ADAMTS7: variants seen among roughly 807,000 people sequenced by gnomAD.
ADAMTS7 encodes the protein ADAM metallopeptidase with thrombospondin type 1 motif 7, also known as A disintegrin and metalloproteinase with thrombospondin motifs 7.
A neutral mutation model predicts 172.6 loss-of-function variants in ADAMTS7; 89 were observed. The ratio of observed to expected loss-of-function variants is 0.52; its 90% CI spans 0.43 to 0.61. The LOEUF (loss-of-function observed/expected upper bound fraction) is 0.61, where lower values mean the gene tolerates loss of function less well. Ranked by LOEUF, ADAMTS7 falls within the 20% of genes least tolerant of loss-of-function variation. The pLI is 0.00. For synonymous variants in ADAMTS7, 885 were observed against 978.4 expected (o/e 0.90, Z 1.78); for missense variants, 1,973 against 2,355.6 (o/e 0.84, Z 3.36).
intron 11 of ADAMTS7, among the ~76,000 whole-genome samples, chr15:78,775,275 T>G (rs369464604): frequency 1.3e-5 from 2 of 151,858 alleles, no homozygotes; most frequent in Non-Finnish European, 2.9e-5. Flanking sequence ...AGGAAGTGCC[T>G]AGGGCCCCAG....
intron 1 of ADAMTS7, among the ~76,000 whole-genome samples, chr15:78,801,659 G>A (rs2055726625): frequency 6.6e-6 from 1 of 151,568 alleles, no homozygotes; most frequent in South Asian, 2.1e-4. Context: ...GTCTAGGAAG[G>A]CAAGAATCTA....
intron 13 of ADAMTS7, among the ~76,000 whole-genome samples, chr15:78,773,407 G>A (rs8040936): frequency 0.26 from 38,457 of 148,130 alleles, 4,493 homozygotes; most frequent in Middle Eastern, 0.39. Flanking sequence ...GATGTGAGAC[G>A]GGGAGACCCA....
chr15:78,806,109 CACACACACACACACACACAAAAA>C (rs1195010891), intron 1 of ADAMTS7, among the ~76,000 whole-genome samples: 1 of 14,280 alleles, frequency 7.0e-5, no homozygotes, highest in Non-Finnish European at 2.2e-4. Flanking sequence ...CACACACACA[CACACACACACACACACACAAAAA>C]AAAAAAAAAA....
chr15:78,805,017 A>G (rs988279293), intron 1 of ADAMTS7, among the ~76,000 whole-genome samples: 1 of 152,234 alleles, frequency 6.6e-6, no homozygotes, highest in Non-Finnish European at 1.5e-5. Context: ...AGAGCTCTGA[A>G]AAACTGCAGA....
intron 1 of ADAMTS7, among the ~76,000 whole-genome samples, chr15:78,802,791 G>A (rs1433496476): frequency 6.6e-6 from 1 of 152,162 alleles, no homozygotes; most frequent in Non-Finnish European, 1.5e-5. Flanking sequence ...GAGCTCAGGA[G>A]TTTGATACCA....
rs1227522980 is a variant in ADAMTS7 at position 78,768,118 on chromosome 15, TG to T, written c.2645+14del. 1.1e-5 allele frequency: 8 copies of T among 712,758 alleles called. No individual in the cohort carries two copies. In the African/African-American group the frequency reaches 3.2e-4, roughly 28 times the overall value. 44.2% of individuals were successfully genotyped at this position (712,758 alleles called of 1,614,324 possible). A position where few individuals can be genotyped will look rare whatever the true frequency, so the allele number is the denominator to read the frequency against. On this transcript the variant is annotated intron_variant, in intron 17 of 23. Transcript: ENST00000388820. ...GATGGGGTGGGGAGTTGGCGGGGGA[TG>T]GGGGCGGGCTCACCTGGCAGGGCAG...
At chr15:78,809,843 G>C (rs1245815534) in intron 1 of ADAMTS7, among the ~76,000 whole-genome samples, 1 of 152,218 alleles carries the variant, frequency 6.6e-6, no homozygotes, top group African/African-American at 2.4e-5. Flanking sequence ...GTCCATAAAA[G>C]GACTTTCCAT....
intron 1 of ADAMTS7, among the ~76,000 whole-genome samples, chr15:78,809,481 A>G (rs1202366874): frequency 6.6e-6 from 1 of 152,134 alleles, no homozygotes; most frequent in Non-Finnish European, 1.5e-5. Context: ...GCCTGCCTCC[A>G]CCCTCAAACA....
At chr15:78,785,844 T>C (rs2055494032) in intron 8 of ADAMTS7, among the ~76,000 whole-genome samples, 1 of 151,752 alleles carries the variant, frequency 6.6e-6, no homozygotes, top group Non-Finnish European at 1.5e-5. Flanking sequence ...CAATGTTAAG[T>C]TTGAAGGTGG....
Position 78,790,723 on chromosome 15 carries a change from G to A in ADAMTS7, c.975C>T (p.Asn325=), listed in dbSNP as rs143601906. 1,325 of 1,614,094 alleles carry A rather than the reference G, an allele frequency of 8.2e-4. No individual in the cohort carries two copies. The highest frequency in any genetic ancestry group is 1.1e-3 in the Non-Finnish European group (1,267 of 1,180,024). Residue 325 remains asparagine (N), a synonymous_variant, in exon 6 of 24, where the codon AAC becomes AAT. Coordinates refer to ENST00000388820, the MANE Select transcript of ADAMTS7 (RefSeq NM_014272.5). The part of the protein sequence containing the change: ...KSFCKWQKSI[N]MKGDAHPLHH... ...GCAGGGGATGGGCATCCCCCTTCAT[G>A]TTGATGCTTTTCTGCCACTTGCAGA...
chr15:78,801,972 C>T (rs887017186), intron 1 of ADAMTS7, among the ~76,000 whole-genome samples: 5 of 151,982 alleles, frequency 3.3e-5, no homozygotes, highest in South Asian at 2.1e-4. Flanking sequence ...GGATTACAGG[C>T]GTGAGGCACC....
intron 8 of ADAMTS7, among the ~76,000 whole-genome samples, chr15:78,783,191 G>A (rs1442401732): frequency 2.6e-5 from 4 of 152,202 alleles, no homozygotes; most frequent in Admixed American, 2.6e-4. Flanking sequence ...AGACTTGGAA[G>A]AGTCCTGCCC....
At chr15:78,782,185 C>T (rs1393886154) in intron 8 of ADAMTS7, among the ~76,000 whole-genome samples, 3 of 152,118 alleles carry the variant, frequency 2.0e-5, no homozygotes, top group Non-Finnish European at 4.4e-5. Flanking sequence ...CGTGCACCAC[C>T]ACGCCCAGCT....
chr15:78,788,545 T>C (rs898382322), intron 7 of ADAMTS7, among the ~76,000 whole-genome samples, 171 bp from the exon 8 acceptor site: 1 of 152,220 alleles, frequency 6.6e-6, no homozygotes. Context: ...GAGCCTCAGT[T>C]TCCTGAATGT....
At chr15:78,777,968 C>T (rs369579856) in intron 8 of ADAMTS7, among the ~76,000 whole-genome samples, 68 of 151,792 alleles carry the variant, frequency 4.5e-4, no homozygotes, top group East Asian at 2.6e-3. Flanking sequence ...GACAAGGATC[C>T]GGAGAACATC....
Position 78,767,597 on chromosome 15 carries a change from C to T in ADAMTS7, c.2646-5G>A, listed in dbSNP as rs763961219. The T allele has an allele frequency of 2.9e-5, 45 of 1,534,226 alleles. No homozygotes were observed. The highest frequency in any genetic ancestry group is 1.6e-4 in the African/African-American group (12 of 72,894). ...TGCCACTCACCTGCCCACCACCTGG[C>T]GAGGGCACACAGGTGGCATCAGTGT... On this transcript the variant is annotated splice_polypyrimidine_tract_variant and splice_region_variant and intron_variant, in intron 17 of 23. Transcript: ENST00000388820.
At chr15:78,775,887 C>T (rs939703614) in intron 11 of ADAMTS7, among the ~76,000 whole-genome samples, 15 of 152,340 alleles carry the variant, frequency 9.8e-5, no homozygotes, top group African/African-American at 3.4e-4. Flanking sequence ...CCATGCTCTT[C>T]CCCACTGCCC....
intron 8 of ADAMTS7, among the ~76,000 whole-genome samples, chr15:78,784,746 A>G (rs148668430): frequency 9.1e-4 from 139 of 152,310 alleles, no homozygotes; most frequent in African/African-American, 3.1e-3. Flanking sequence ...TCAAATCACA[A>G]TGGTATGGGA....
intron 14 of ADAMTS7, 94 bp downstream of exon 14, chr15:78,772,989 G>C: frequency 7.0e-7 from 1 of 1,438,770 alleles, no homozygotes; most frequent in Non-Finnish European, 9.5e-7. Context: ...GGCTGGGTGG[G>C]GGCCACGAGG....
Sources: gnomAD v4.1 joint callset for allele counts (sites outside exome capture counted in the v4.1 genomes callset) on GRCh38, gnomAD v4.1.1 for gene constraint, MANE v1.5 for transcripts, NCBI Gene and HGNC (gene_info 2026-07-23, HGNC 2026-07-21) for gene names.